Variants in DMXL1 observed in about 807,000 individuals in gnomAD.
DMXL1 encodes the protein dmX-like protein 1.
A neutral mutation model predicts 319.2 loss-of-function variants in DMXL1; 99 were observed. That is an observed-to-expected ratio of 0.31 (90% CI 0.26 to 0.37). The LOEUF (loss-of-function observed/expected upper bound fraction) is 0.37, where lower values mean the gene tolerates loss of function less well. Among genes scored for constraint, DMXL1 ranks in the 10% least tolerant of loss-of-function variants. The pLI, the probability that DMXL1 is intolerant of heterozygous loss-of-function variation, is 1.00. For synonymous variants in DMXL1, 1,385 were observed against 1,235.2 expected, an observed-to-expected ratio of 1.12 and a Z score of -2.54; for missense variants, 3,745 against 3,595.6, an observed-to-expected ratio of 1.04 and a Z score of -1.06.
At chr5:119,105,333 A>G (rs537298935) in intron 4 of DMXL1, 75 bp downstream of exon 4, 166 of 1,180,908 alleles carry the variant, frequency 1.4e-4, no homozygotes, top group Middle Eastern at 1.2e-3. Context: ...ACTCTTATGT[A>G]TTTCACTTCT....
chr5:119,133,062 C>G, intron 10 of DMXL1, 70 bp from the exon 11 acceptor site: 2 of 1,543,230 alleles, frequency 1.3e-6, no homozygotes, highest in Non-Finnish European at 1.8e-6. Flanking sequence ...TATCCAGAAG[C>G]TCGGTAATTC....
Position 119,207,351 on chromosome 5 carries a change from T to C in DMXL1, c.7926+455T>C, listed in dbSNP as rs540704587. 8.5e-5 allele frequency among the ~76,000 whole-genome samples: 13 copies of C among 152,206 alleles called. No homozygotes were observed. The East Asian group carries it at 2.3e-3, about 27-fold the overall frequency. ...TAATTCCTAAAAATATAGTAAATAC[T>C]GTTACATAGCATTTATTTTACTGGT... On this transcript the variant is annotated intron_variant, in intron 34 of 43. Transcript: ENST00000539542.
At chr5:119,123,606 T>C (rs1762802888) in intron 9 of DMXL1, among the ~76,000 whole-genome samples, 1 of 152,168 alleles carries the variant, frequency 6.6e-6, no homozygotes, top group Non-Finnish European at 1.5e-5. Flanking sequence ...CAAAAATTGA[T>C]ATTTGAACTG....
At chr5:119,124,558 G>A (rs1405496764) in intron 9 of DMXL1, among the ~76,000 whole-genome samples, 1 of 140,564 alleles carries the variant, frequency 7.1e-6, no homozygotes, top group Non-Finnish European at 1.5e-5. Flanking sequence ...ACATTATGGT[G>A]ATGACTTTTT....
chr5:119,171,248 G>A lies in DMXL1; in HGVS notation c.6457G>A (p.Glu2153Lys). 6.2e-7 allele frequency: 1 copy of A among 1,600,496 alleles called. No individual in the cohort carries two copies. The highest frequency in any genetic ancestry group is 8.5e-7 in the Non-Finnish European group (1 of 1,172,364). Residue 2153 changes from glutamate (E) to lysine (K), a missense_variant, in exon 24 of 44, where the codon GAA becomes AAA. By Grantham distance (56) the Glu-to-Lys change is moderately conservative. Around this residue, in one of 4 missense-constraint regions of DMXL1, gnomAD observed 1,382 missense variants for 1,269.5 expected, o/e 1.09. Coordinates refer to ENST00000539542, the MANE Select transcript of DMXL1 (RefSeq NM_001290321.3). ...TGGGGGTCTTGCATCTGTAAGAATG[G>A]AATTGATTTTGCTTTTGCAAGAATC... is the stretch of plus-strand genomic sequence containing the variant. Reference protein sequence around the residue: ...HGGGLASVRMELILLLQESQQ... With the variant: ...HGGGLASVRMKLILLLQESQQ...
intron 19 of DMXL1, among the ~76,000 whole-genome samples, chr5:119,163,254 G>A (rs1772659285): frequency 6.6e-6 from 1 of 152,096 alleles, no homozygotes; most frequent in African/African-American, 2.4e-5. Context: ...CATACAGAGA[G>A]ATTGAGGCAT....
At chr5:119,072,529 T>TA (rs1397185095) in intron 1 of DMXL1, among the ~76,000 whole-genome samples, 1 of 152,158 alleles carries the variant, frequency 6.6e-6, no homozygotes, top group Non-Finnish European at 1.5e-5. Context: ...TGCTGTAGGC[T>TA]TTTTTCTTTA....
chr5:119,247,154 A>G lies in DMXL1; in HGVS notation c.9082A>G (p.Ile3028Val). 6.2e-7 allele frequency: 1 copy of G among 1,614,156 alleles called. No individual in the cohort carries two copies. The highest frequency in any genetic ancestry group is 8.5e-7 in the Non-Finnish European group (1 of 1,180,006). Residue 3028 changes from isoleucine (I) to valine (V), a missense_variant, in exon 44 of 44, where the codon ATA becomes GTA. By Grantham distance (29) the Ile-to-Val change is conservative. Coordinates refer to ENST00000539542, the MANE Select transcript of DMXL1 (RefSeq NM_001290321.3). ...AGCTGATGGAACAATGAAAATGAGAATACTGCCAGATCAGTTTAGCCCTTT... is the reference window on the plus strand; with the variant it reads ...AGCTGATGGAACAATGAAAATGAGAGTACTGCCAGATCAGTTTAGCCCTTT... Reference protein sequence around the residue: ...CGADGTMKMRILPDQFSPLNE... With the variant: ...CGADGTMKMRVLPDQFSPLNE...
intron 1 of DMXL1, among the ~76,000 whole-genome samples, chr5:119,078,616 C>G (rs1404734390): frequency 6.6e-6 from 1 of 152,072 alleles, no homozygotes; most frequent in Non-Finnish European, 1.5e-5. Flanking sequence ...CCATGCCCAG[C>G]TAATTTTTTA....
intron 32 of DMXL1, among the ~76,000 whole-genome samples, chr5:119,203,083 T>G (rs1384322131): frequency 6.6e-6 from 1 of 151,936 alleles, no homozygotes; most frequent in East Asian, 1.9e-4. Context: ...ATACTTTACC[T>G]GTACATTATC....
intron 43 of DMXL1, among the ~76,000 whole-genome samples, chr5:119,246,268 C>G (rs1249972468): frequency 6.6e-6 from 1 of 152,118 alleles, no homozygotes; most frequent in Non-Finnish European, 1.5e-5. Flanking sequence ...TTCCCTCTTT[C>G]TAGCTGTTCT....
chr5:119,082,486 A>T (rs961270235), intron 1 of DMXL1, among the ~76,000 whole-genome samples: 1 of 151,974 alleles, frequency 6.6e-6, no homozygotes, highest in East Asian at 1.9e-4. Context: ...TATTACCCAG[A>T]CTGGTCGTGA....
intron 13 of DMXL1, among the ~76,000 whole-genome samples, chr5:119,136,343 A>G (rs1765984803): frequency 6.6e-6 from 1 of 152,282 alleles, no homozygotes; most frequent in South Asian, 2.1e-4. Flanking sequence ...ATTGAAATTT[A>G]TGTTAACTTA....
At chr5:119,088,825 T>G (rs1178629783) in intron 1 of DMXL1, among the ~76,000 whole-genome samples, 1 of 152,154 alleles carries the variant, frequency 6.6e-6, no homozygotes, top group Non-Finnish European at 1.5e-5. Context: ...GTTTTTATAT[T>G]GCCTGTCTCT....
At position 119,100,014 on chromosome 5, in the gene DMXL1, A is replaced by C. The variant is rs147582645; in HGVS notation, c.213+1910A>C. Among the ~76,000 whole-genome samples, 930 of 152,250 alleles carry C rather than the reference A, an allele frequency of 6.1e-3. 11 individuals carry two copies. Among genetic ancestry groups the C allele is most frequent in the African/African-American group, 0.022 (895 of 41,510 alleles). ...AGACCCCATCTCTACAAAGAAAAAC[A>C]AAAAGAGGAATTAAGAAGTCATTTG... is the stretch of plus-strand genomic sequence containing the variant. On this transcript the variant is annotated intron_variant, in intron 2 of 43. Transcript: ENST00000539542.
intron 1 of DMXL1, among the ~76,000 whole-genome samples, chr5:119,097,744 G>A (rs1239712285): frequency 6.6e-6 from 1 of 151,886 alleles, no homozygotes; most frequent in Non-Finnish European, 1.5e-5. Flanking sequence ...AGTGGACAGA[G>A]TTCAGAGTTG....
intron 1 of DMXL1, among the ~76,000 whole-genome samples, chr5:119,082,835 A>G (rs1420435991): frequency 3.3e-5 from 5 of 152,188 alleles, no homozygotes; most frequent in African/African-American, 7.2e-5. Flanking sequence ...ACCGTTTATT[A>G]GTTCCAATTA....
At chr5:119,173,021 G>C (rs142571699) in intron 25 of DMXL1, among the ~76,000 whole-genome samples, 3 of 152,254 alleles carry the variant, frequency 2.0e-5, no homozygotes, top group Admixed American at 2.0e-4. Flanking sequence ...TACCTGTGGT[G>C]TATCAGTTAC....
Position 119,149,732 on chromosome 5 carries a change from C to T in DMXL1, c.3905C>T (p.Pro1302Leu), listed in dbSNP as rs896285018. 1 of 1,614,020 alleles carries T rather than the reference C, an allele frequency of 6.2e-7. No individual in the cohort carries two copies. The highest frequency in any genetic ancestry group is 8.5e-7 in the Non-Finnish European group (1 of 1,179,944). ...TGTGGAAAGAAAACTGCATTCGATC[C>T]TTCAGTGGATATGGAAGATTCAGGT... The part of the protein sequence containing the change: ...KICGKKTAFD[P>L]SVDMEDSGLF... Residue 1302 changes from proline (P) to leucine (L), a missense_variant, in exon 18 of 44, where the codon CCT becomes CTT. Pro to Leu is a moderately conservative substitution (Grantham distance 98). Coordinates refer to ENST00000539542, the MANE Select transcript of DMXL1 (RefSeq NM_001290321.3).
Sources: gnomAD v4.1 joint callset for allele counts (sites outside exome capture counted in the v4.1 genomes callset) on GRCh38, gnomAD v4.1.1 for gene constraint, gnomAD v4.1.1 regional missense constraint, MANE v1.5 for transcripts, NCBI Gene and HGNC (gene_info 2026-07-23, HGNC 2026-07-21) for gene names.